CNBD1: variants seen among roughly 807,000 people sequenced by gnomAD.
CNBD1 encodes cyclic nucleotide binding domain containing 1, also known as cyclic nucleotide-binding domain-containing protein 1.
CNBD1 carries 71 observed loss-of-function variants against 54.4 expected under a neutral mutation model. The observed-to-expected ratio is 1.30, with a 90% CI of 1.08 to 1.59. CNBD1 has a LOEUF of 1.59. Among genes scored for constraint, CNBD1 ranks in the 40% most tolerant of loss-of-function variants. The probability of loss-of-function intolerance (pLI) is 0.00; values close to 1 mark genes in which losing one functional copy is unlikely to be tolerated. For synonymous variants in CNBD1, 182 were observed against 170.7 expected, an observed-to-expected ratio of 1.07 and a Z score of -0.51; for missense variants, 659 against 518.0, an observed-to-expected ratio of 1.27 and a Z score of -2.64.
At chr8:87,094,866 T>G (rs1586252295) in intron 4 of CNBD1, among the ~76,000 whole-genome samples, 1 of 152,148 alleles carries the variant, frequency 6.6e-6, no homozygotes, top group Non-Finnish European at 1.5e-5. Flanking sequence ...GGTGAAACCC[T>G]GTCTCTACTA....
intron 4 of CNBD1, among the ~76,000 whole-genome samples, chr8:87,184,620 G>C (rs1030806476): frequency 2.3e-4 from 35 of 152,196 alleles, no homozygotes; most frequent in Admixed American, 2.1e-3. Flanking sequence ...GGCTAGAGTG[G>C]GCTGCTCCAT....
chr8:87,293,793 A>G (rs995349110), intron 8 of CNBD1, among the ~76,000 whole-genome samples: 1 of 152,182 alleles, frequency 6.6e-6, no homozygotes, highest in African/African-American at 2.4e-5. Context: ...AGGAGAGAGG[A>G]TTTTTTGGAT....
At chr8:87,186,611 C>T (rs918884649) in intron 4 of CNBD1, among the ~76,000 whole-genome samples, 1 of 151,992 alleles carries the variant, frequency 6.6e-6, no homozygotes, top group Non-Finnish European at 1.5e-5. Flanking sequence ...CTCTTTATAT[C>T]TTATTTTAAT....
chr8:86,966,381 A>T (rs1808074972), intron 4 of CNBD1, among the ~76,000 whole-genome samples: 1 of 152,176 alleles, frequency 6.6e-6, no homozygotes, highest in South Asian at 2.1e-4. Context: ...CACTGACTTC[A>T]AGAATGAAGC....
At chr8:87,059,083 T>C (rs1810486680) in intron 4 of CNBD1, among the ~76,000 whole-genome samples, 1 of 152,206 alleles carries the variant, frequency 6.6e-6, no homozygotes, top group Non-Finnish European at 1.5e-5. Flanking sequence ...GCCAGTCTCT[T>C]TGCTAAGCAC....
chr8:86,895,307 T>C (rs1808834129), intron 2 of CNBD1, among the ~76,000 whole-genome samples: 1 of 152,074 alleles, frequency 6.6e-6, no homozygotes, highest in Non-Finnish European at 1.5e-5. Context: ...ATTCCTTTTA[T>C]TGCTGAATAA....
At chr8:87,306,205 A>G (rs1585998979) in intron 8 of CNBD1, among the ~76,000 whole-genome samples, 1 of 152,186 alleles carries the variant, frequency 6.6e-6, no homozygotes, top group Admixed American at 6.6e-5. Context: ...TCAATGCGAT[A>G]CCACCTCACT....
At chr8:87,287,295 G>A (rs980993255) in intron 8 of CNBD1, among the ~76,000 whole-genome samples, 5 of 152,078 alleles carry the variant, frequency 3.3e-5, no homozygotes, top group Non-Finnish European at 7.4e-5. Context: ...TTTAACAAGG[G>A]TTGCTAAACC....
At chr8:87,028,574 T>C (rs1809707382) in intron 4 of CNBD1, among the ~76,000 whole-genome samples, 1 of 152,078 alleles carries the variant, frequency 6.6e-6, no homozygotes, top group Admixed American at 6.6e-5. Context: ...CTCAAATCCA[T>C]CTCCCTGACT....
intron 6 of CNBD1, among the ~76,000 whole-genome samples, chr8:87,280,226 G>T (rs182246661): frequency 9.3e-4 from 141 of 151,614 alleles, no homozygotes; most frequent in Non-Finnish European, 1.6e-3. Context: ...TCTTATCATG[G>T]TTTGGTTTTG....
chr8:87,266,144 A>C (rs1257703414), intron 6 of CNBD1, among the ~76,000 whole-genome samples: 2 of 152,028 alleles, frequency 1.3e-5, no homozygotes, highest in Admixed American at 1.3e-4. Context: ...CTTAAAGATA[A>C]GTGTCCCCTA....
intron 4 of CNBD1, among the ~76,000 whole-genome samples, chr8:87,117,186 C>T (rs1407039954): frequency 6.6e-6 from 1 of 152,008 alleles, no homozygotes; most frequent in Non-Finnish European, 1.5e-5. Context: ...ATCACGAAGT[C>T]AGGAGTTCGA....
At chr8:87,165,585 G>A (rs946336017) in intron 4 of CNBD1, among the ~76,000 whole-genome samples, 2 of 151,786 alleles carry the variant, frequency 1.3e-5, no homozygotes, top group East Asian at 3.9e-4. Flanking sequence ...CTTTCTTTTG[G>A]TTAAGATTTG....
At chr8:87,361,130 T>A (rs1810517202) in intron 10 of CNBD1, among the ~76,000 whole-genome samples, 1 of 151,938 alleles carries the variant, frequency 6.6e-6, no homozygotes, top group Non-Finnish European at 1.5e-5. Flanking sequence ...GATTTAAAAT[T>A]TTGATATATG....
intron 6 of CNBD1, among the ~76,000 whole-genome samples, chr8:87,277,372 G>T (rs1808506114): frequency 6.6e-6 from 1 of 151,716 alleles, no homozygotes; most frequent in Non-Finnish European, 1.5e-5. Context: ...CTCAGTCTAT[G>T]TATCTAAATG....
At chr8:87,082,330 A>G (rs992841554) in intron 4 of CNBD1, among the ~76,000 whole-genome samples, 1 of 151,954 alleles carries the variant, frequency 6.6e-6, no homozygotes, top group African/African-American at 2.4e-5. Flanking sequence ...CCCCACCCCT[A>G]TCTCCCTTTG....
intron 3 of CNBD1, among the ~76,000 whole-genome samples, chr8:86,921,344 T>G (rs1809268018): frequency 6.9e-6 from 1 of 144,786 alleles, no homozygotes; most frequent in South Asian, 2.1e-4. Context: ...GCTCCTTGTG[T>G]TTTTTTTTAA....
chr8:87,245,060 T>G (rs112359177), intron 6 of CNBD1, among the ~76,000 whole-genome samples: 84 of 152,238 alleles, frequency 5.5e-4, no homozygotes, highest in African/African-American at 1.9e-3. Flanking sequence ...GAATTGGAAC[T>G]TAACATCTAA....
chr8:87,254,710 A>G (rs900421695), intron 6 of CNBD1, among the ~76,000 whole-genome samples: 1 of 152,176 alleles, frequency 6.6e-6, no homozygotes, highest in East Asian at 1.9e-4. Context: ...TCACCTGTTC[A>G]AGCAATATGT....
Sources: gnomAD v4.1 joint callset for allele counts (sites outside exome capture counted in the v4.1 genomes callset) on GRCh38, gnomAD v4.1.1 for gene constraint, MANE v1.5 for transcripts, NCBI Gene and HGNC (gene_info 2026-07-23, HGNC 2026-07-21) for gene names.